Variants in ZFPM2 observed in about 807,000 individuals in gnomAD.
ZFPM2 encodes the protein zinc finger protein ZFPM2.
A neutral mutation model predicts 98.6 loss-of-function variants in ZFPM2; 20 were observed. That is an observed-to-expected ratio of 0.20 (90% CI 0.14 to 0.29). ZFPM2 has a LOEUF of 0.29. Ranked by LOEUF, ZFPM2 falls within the 10% of genes least tolerant of loss-of-function variation. The pLI, the probability that ZFPM2 is intolerant of heterozygous loss-of-function variation, is 1.00. For synonymous variants in ZFPM2, 518 were observed against 502.7 expected (o/e 1.03, Z -0.41); for missense variants, 1,310 against 1,388.6 (o/e 0.94, Z 0.90).
At chr8:105,333,241 C>T (rs17210179) in intron 1 of ZFPM2, among the ~76,000 whole-genome samples, 16,190 of 151,724 alleles carry the variant, frequency 0.11, 1,115 homozygotes, top group South Asian at 0.15. Flanking sequence ...CTTTTAGATA[C>T]GGATTTAATA....
At chr8:105,376,474 C>T (rs1810726121) in intron 1 of ZFPM2, among the ~76,000 whole-genome samples, 1 of 152,070 alleles carries the variant, frequency 6.6e-6, no homozygotes, top group Admixed American at 6.6e-5. Flanking sequence ...CTCCCTGGAC[C>T]TTCAGACTCA....
intron 3 of ZFPM2, among the ~76,000 whole-genome samples, chr8:105,461,636 T>G (rs1812706297): frequency 6.6e-6 from 1 of 152,176 alleles, no homozygotes; most frequent in Non-Finnish European, 1.5e-5. Flanking sequence ...TTGGAAATGC[T>G]TCCTCTTCTG....
intron 1 of ZFPM2, chr8:105,358,592 G>A (rs1175473530): frequency 6.6e-6 from 1 of 152,216 alleles, no homozygotes; most frequent in East Asian, 1.9e-4. Flanking sequence ...CAGAATCTCT[G>A]TGTGTGGATC....
At position 105,366,769 on chromosome 8, in the gene ZFPM2, G is replaced by C. The variant is rs112212708; in HGVS notation, c.40+47788G>C. Among the ~76,000 whole-genome samples the C allele has an allele frequency of 9.3e-3, 1,399 of 150,114 alleles. 21 individuals carry two copies. The highest frequency in any genetic ancestry group is 0.033 in the African/African-American group (1,333 of 40,870). ...CCACCTATGAGTGAGAATATGCGGT[G>C]TTTGGGTTTTTGCCCATGAAGTCCT... On this transcript the variant is annotated intron_variant, in intron 1 of 7. Transcript: ENST00000407775.
chr8:105,415,956 A>G (rs1391791594), intron 1 of ZFPM2, among the ~76,000 whole-genome samples: 2 of 152,084 alleles, frequency 1.3e-5, no homozygotes, highest in Non-Finnish European at 2.9e-5. Flanking sequence ...TTTTGAACAA[A>G]TGAGCTTAGT....
At chr8:105,453,475 T>C (rs936155617) in intron 3 of ZFPM2, among the ~76,000 whole-genome samples, 6 of 152,176 alleles carry the variant, frequency 3.9e-5, no homozygotes, top group African/African-American at 7.2e-5. Flanking sequence ...TTTTATTTTT[T>C]ATACTTTAAT....
intron 1 of ZFPM2, among the ~76,000 whole-genome samples, chr8:105,338,412 T>A (rs970824938): frequency 2.0e-5 from 3 of 151,780 alleles, no homozygotes; most frequent in African/African-American, 7.2e-5. Flanking sequence ...TACCTAGAGA[T>A]CTTGTTTTAT....
chr8:105,567,886 C>T lies in ZFPM2; in HGVS notation c.420+6405C>T, dbSNP rs1421196655. ...CTCAATGGCATAATTTATAATTTTG[C>T]TGAGGCATGACTTTTTGTTGAGCCT... On this transcript the variant is annotated intron_variant, in intron 4 of 7. Coordinates refer to ENST00000407775, the MANE Select transcript of ZFPM2 (RefSeq NM_012082.4). Among the ~76,000 whole-genome samples the T allele has an allele frequency of 3.3e-5, 5 of 152,036 alleles. 1 individual carries two copies. Among genetic ancestry groups the T allele is most frequent in the African/African-American group, 1.2e-4 (5 of 41,364 alleles).
chr8:105,455,988 A>G (rs1812581878), intron 3 of ZFPM2, among the ~76,000 whole-genome samples: 1 of 152,110 alleles, frequency 6.6e-6, no homozygotes, highest in Non-Finnish European at 1.5e-5. Context: ...GAAATTGCCT[A>G]GTATAGAAAT....
At chr8:105,579,620 A>G (rs1466645103) in intron 4 of ZFPM2, among the ~76,000 whole-genome samples, 1 of 152,132 alleles carries the variant, frequency 6.6e-6, no homozygotes, top group African/African-American at 2.4e-5. Context: ...GGCTGAAGAA[A>G]AAGAGCATAT....
intron 1 of ZFPM2, among the ~76,000 whole-genome samples, chr8:105,382,037 T>A (rs769829433): frequency 1.3e-5 from 2 of 152,062 alleles, no homozygotes; most frequent in Non-Finnish European, 2.9e-5. Context: ...ATATTCAAGA[T>A]TCAAAATTTA....
intron 1 of ZFPM2, among the ~76,000 whole-genome samples, chr8:105,343,090 T>C (rs2957445): frequency 0.27 from 40,906 of 151,998 alleles, 6,192 homozygotes; most frequent in Admixed American, 0.41. Context: ...AAGCTCTGTG[T>C]AGGCTGGAAT....
chr8:105,369,884 A>G (rs1810584881), intron 1 of ZFPM2, among the ~76,000 whole-genome samples: 1 of 152,196 alleles, frequency 6.6e-6, no homozygotes, highest in Non-Finnish European at 1.5e-5. Context: ...AAGAGCATGA[A>G]TACACATACA....
intron 5 of ZFPM2, among the ~76,000 whole-genome samples, chr8:105,639,203 C>T (rs1413002616): frequency 2.0e-5 from 3 of 152,030 alleles, no homozygotes; most frequent in Admixed American, 6.6e-5. Context: ...TTCTTATATG[C>T]TATCTACCGT....
chr8:105,525,694 T>C (rs1266029388), intron 3 of ZFPM2, among the ~76,000 whole-genome samples: 4 of 152,208 alleles, frequency 2.6e-5, no homozygotes, highest in African/African-American at 7.2e-5. Flanking sequence ...AGGCATAGCA[T>C]GTAGAATTTA....
intron 4 of ZFPM2, chr8:105,616,804 G>A (rs1427689779): frequency 7.0e-5 from 15 of 215,038 alleles, no homozygotes; most frequent in Non-Finnish European, 1.2e-4. Flanking sequence ...GATCACCTAG[G>A]ACCAGGAGTT....
chr8:105,670,079 A>C (rs1817560423), intron 5 of ZFPM2: 1 of 152,202 alleles, frequency 6.6e-6, no homozygotes, highest in East Asian at 1.9e-4. Context: ...TCTGAGAGAT[A>C]TATGTTCTCT....
At chr8:105,327,775 A>T (rs1379225521) in intron 1 of ZFPM2, among the ~76,000 whole-genome samples, 3 of 151,944 alleles carry the variant, frequency 2.0e-5, no homozygotes, top group South Asian at 2.1e-4. Context: ...AAAATCTGTC[A>T]TAGATTAATT....
chr8:105,644,283 CT>C (rs749074804), intron 5 of ZFPM2, among the ~76,000 whole-genome samples: 171 of 138,456 alleles, frequency 1.2e-3, no homozygotes, highest in African/African-American at 2.2e-3. Context: ...TCTTTCTTTT[CT>C]TTTTTTTTTT....
Sources: gnomAD v4.1 joint callset for allele counts (sites outside exome capture counted in the v4.1 genomes callset) on GRCh38, gnomAD v4.1.1 for gene constraint, MANE v1.5 for transcripts, NCBI Gene and HGNC (gene_info 2026-07-23, HGNC 2026-07-21) for gene names.